NFATC2: variants seen among roughly 807,000 people sequenced by gnomAD.
NFATC2 encodes the protein nuclear factor of activated T cells 2, also known as nuclear factor of activated T-cells, cytoplasmic 2.
A neutral mutation model predicts 87.3 loss-of-function variants in NFATC2; 22 were observed. That is an observed-to-expected ratio of 0.25 (90% CI 0.18 to 0.36). The LOEUF (loss-of-function observed/expected upper bound fraction) is 0.36, where lower values mean the gene tolerates loss of function less well. Ranked by LOEUF, NFATC2 falls within the 10% of genes least tolerant of loss-of-function variation. The pLI, the probability that NFATC2 is intolerant of heterozygous loss-of-function variation, is 1.00. For synonymous variants in NFATC2, 565 were observed against 542.2 expected (o/e 1.04, Z -0.58); for missense variants, 1,149 against 1,259.1 (o/e 0.91, Z 1.32).
chr20:51,461,931 G>A (rs1376099462), intron 5 of NFATC2, among the ~76,000 whole-genome samples: 1 of 150,312 alleles, frequency 6.7e-6, no homozygotes, highest in African/African-American at 2.5e-5. Context: ...GCCTGGCCAA[G>A]GTGGTGAAAC....
chr20:51,453,304 G>C (rs1453010939), intron 6 of NFATC2, among the ~76,000 whole-genome samples: 2 of 152,210 alleles, frequency 1.3e-5, no homozygotes, highest in South Asian at 4.1e-4. Context: ...TCTTACTAAC[G>C]TGTAAACTGG....
chr20:51,415,484 C>T (rs1281091754), intron 9 of NFATC2, among the ~76,000 whole-genome samples: 1 of 152,094 alleles, frequency 6.6e-6, no homozygotes, highest in Non-Finnish European at 1.5e-5. Context: ...TAGTTGGCCA[C>T]CACCTGTCTC....
rs1482777396 is a variant in NFATC2, at chr20:51,523,455, G to C, written c.786C>G (p.Ala262=). 6.2e-7 allele frequency: 1 copy of C among 1,609,460 alleles called. No homozygotes were observed. The highest frequency in any genetic ancestry group is 8.5e-7 in the Non-Finnish European group (1 of 1,177,876). ...RRHSCAEALV[A]LPPGASPQRS... ...GCTGGGGTGAGGCTCCGGGCGGCAG[G>C]GCAACCAAGGCCTCGGCGCACGAAT... The change falls in exon 2 of 11, where the codon GCC becomes GCG. Residue 262 remains alanine, a synonymous_variant. Coordinates refer to ENST00000371564, the MANE Select transcript of NFATC2 (RefSeq NM_012340.5). This position sits in a 1 kb window ranked among gnomAD's most constrained non-coding sequence, Gnocchi z 6.9.
At chr20:51,488,501 CAA>C (rs139282222) in intron 3 of NFATC2, among the ~76,000 whole-genome samples, 1 of 152,064 alleles carries the variant, frequency 6.6e-6, no homozygotes. Flanking sequence ...CTGTGATGCA[CAA>C]AAAAGTCTCT....
chr20:51,446,952 G>C lies in NFATC2; in HGVS notation c.1849+7596C>G, dbSNP rs1985144177. On this transcript the variant is annotated intron_variant, in intron 6 of 10. Transcript: ENST00000371564. The stretch of plus-strand genomic sequence containing the variant: ...CCCCATCTAGAGACTCCCATACCAG[G>C]TCTATTGTTTCAGAGAACATCACGC... Among the ~76,000 whole-genome samples, 3 of 152,268 alleles carry C rather than the reference G, an allele frequency of 2.0e-5. No homozygotes were observed. The South Asian group carries it at 6.2e-4, about 32-fold the overall frequency.
intron 10 of NFATC2, among the ~76,000 whole-genome samples, chr20:51,395,439 C>A (rs1190223998): frequency 2.0e-5 from 3 of 150,100 alleles, no homozygotes; most frequent in East Asian, 3.9e-4. Flanking sequence ...CTCTGCTTAG[C>A]CAGCAGAGAG....
At chr20:51,551,500 C>A (rs2076932215) in intron 1 of NFATC2, among the ~76,000 whole-genome samples, 1 of 151,904 alleles carries the variant, frequency 6.6e-6, no homozygotes, top group Non-Finnish European at 1.5e-5. Context: ...ACCTCCCCAG[C>A]TCAGATGATC....
intron 1 of NFATC2, among the ~76,000 whole-genome samples, chr20:51,556,753 A>T (rs1318017704): frequency 6.6e-6 from 1 of 152,206 alleles, no homozygotes; most frequent in Non-Finnish European, 1.5e-5. Flanking sequence ...CCAGCATGGA[A>T]GCAGCAATTT....
At position 51,562,529 on chromosome 20, in the gene NFATC2, A is replaced by G; in HGVS notation, c.70+31T>C. Reference sequence around the variant, plus strand: ...GGAAAGGGCCGGGAGGAGCGAGCGGAAAAGGCTGGAAGGGATCGAGAGTCA... The same window carrying G: ...GGAAAGGGCCGGGAGGAGCGAGCGGGAAAGGCTGGAAGGGATCGAGAGTCA... On this transcript the variant is annotated intron_variant, in intron 1 of 10. Coordinates refer to the NFATC2 transcript ENST00000414705. The surrounding 1 kb of genome is among the most constrained non-coding windows in gnomAD (Gnocchi z 5.8). 1 of 1,528,208 alleles carries G rather than the reference A, an allele frequency of 6.5e-7. No individual in the cohort carries two copies. The highest frequency in any genetic ancestry group is 1.2e-5 in the South Asian group (1 of 82,206). 94.7% of individuals were successfully genotyped at this position (1,528,208 alleles called of 1,614,324 possible). A position where few individuals can be genotyped will look rare whatever the true frequency, so the allele number is the denominator to read the frequency against.
At chr20:51,534,881 T>C (rs574174347) in intron 1 of NFATC2, among the ~76,000 whole-genome samples, 1 of 152,364 alleles carries the variant, frequency 6.6e-6, no homozygotes, top group South Asian at 2.1e-4. Flanking sequence ...TGTATATGTC[T>C]CACTTATTTG....
At position 51,551,802 on chromosome 20, in the gene NFATC2, C is replaced by T. The variant is rs192091983; in HGVS notation, c.70+10758G>A. Among the ~76,000 whole-genome samples, 773 of 150,976 alleles carry T rather than the reference C, an allele frequency of 5.1e-3. 6 individuals carry two copies. Among genetic ancestry groups the T allele is most frequent in the African/African-American group, 0.018 (725 of 41,080 alleles). ...CAGCACATTGGGAGGCCAAGGTGGG[C>T]GGATCATGAGGTCAGGAGATCAAGA... On this transcript the variant is annotated intron_variant, in intron 1 of 10. Coordinates refer to the NFATC2 transcript ENST00000414705.
In NFATC2 at chr20:51,388,122, C is replaced by T. The variant is rs1199587327; in HGVS notation, c.*3374G>A. 6.6e-6 allele frequency: 1 copy of T among 152,112 alleles called. No individual in the cohort carries two copies. 9.4% of individuals were successfully genotyped at this position (152,112 alleles called of 1,614,324 possible). ...GATAAAGCATACAGGAGTTATCTAC[C>T]AGGATTTAGATTTGGTCCCTTCTGT... On this transcript the variant is annotated 3_prime_UTR_variant, in exon 11 of 11. Transcript: ENST00000371564.
intron 3 of NFATC2, among the ~76,000 whole-genome samples, chr20:51,491,871 T>A (rs866269464): frequency 1.2e-5 from 1 of 86,360 alleles, no homozygotes. Flanking sequence ...AACACACACA[T>A]ACACATACAC....
At chr20:51,447,514 T>C (rs1985219368) in intron 6 of NFATC2, among the ~76,000 whole-genome samples, 1 of 152,220 alleles carries the variant, frequency 6.6e-6, no homozygotes, top group African/African-American at 2.4e-5. Flanking sequence ...TTCCAAAACA[T>C]TGGATCCCAC....
rs1383317454 is a variant in NFATC2, at chr20:51,491,454, G to A, written c.1333-15794C>T. Among the ~76,000 whole-genome samples, 3 of 152,222 alleles carry A rather than the reference G, an allele frequency of 2.0e-5. No homozygotes were observed. In the East Asian group the frequency reaches 5.8e-4, roughly 29 times the overall value. ...AATGGTAGACCAGGAAATATTCAAC[G>A]ACCAGTTCTCCAAGACAGAAAGCTT... On this transcript the variant is annotated intron_variant, in intron 3 of 10. Coordinates refer to ENST00000371564, the MANE Select transcript of NFATC2 (RefSeq NM_012340.5).
At chr20:51,525,183 G>C (rs1019193952) in intron 1 of NFATC2, among the ~76,000 whole-genome samples, 1 of 152,198 alleles carries the variant, frequency 6.6e-6, no homozygotes, top group Admixed American at 6.5e-5. Flanking sequence ...CTGTGCCACT[G>C]CATGCCGGCC....
chr20:51,525,685 G>C (rs2076533396), intron 1 of NFATC2, among the ~76,000 whole-genome samples: 2 of 151,976 alleles, frequency 1.3e-5, no homozygotes, highest in Admixed American at 1.3e-4. Context: ...ACAGAAACTA[G>C]ATTCCCAGGT....
chr20:51,540,667 T>TTGTTTGTTTGTTTG lies in NFATC2; in HGVS notation c.130+1702_130+1703insCAAACAAACAAACA, dbSNP rs778854065. On this transcript the variant is annotated intron_variant, in intron 1 of 10. Coordinates refer to ENST00000371564, the MANE Select transcript of NFATC2 (RefSeq NM_012340.5). Reference sequence around the variant, plus strand: ...CTGAAGTTTTTTTTTTGTTTTTTTTTTTTTGAGAAAACAGATTCCAGGGCT... The same window carrying TTGTTTGTTTGTTTG: ...CTGAAGTTTTTTTTTTGTTTTTTTTTTGTTTGTTTGTTTGTTTTGAGAAAACAGATTCCAGGGCT... Among the ~76,000 whole-genome samples the TTGTTTGTTTGTTTG allele has an allele frequency of 1.4e-4, 20 of 147,336 alleles. 1 individual carries two copies. The highest frequency in any genetic ancestry group is 2.5e-4 in the Non-Finnish European group (17 of 67,220).
At chr20:51,551,950 C>T (rs2076937727) in intron 1 of NFATC2, among the ~76,000 whole-genome samples, 1 of 152,014 alleles carries the variant, frequency 6.6e-6, no homozygotes, top group Admixed American at 6.5e-5. Context: ...TGGCATGAAC[C>T]TGGGAGGTGG....
Sources: allele counts gnomAD v4.1 joint callset (sites outside exome capture counted in the v4.1 genomes callset), GRCh38; gene constraint gnomAD v4.1.1; non-coding constraint Gnocchi (gnomAD v3.1); transcripts MANE v1.5; gene names NCBI Gene and HGNC (gene_info 2026-07-23, HGNC 2026-07-21).